ARHGEF10: variants seen among roughly 807,000 people sequenced by gnomAD.
ARHGEF10 encodes Rho guanine nucleotide exchange factor 10.
ARHGEF10 carries 140 observed loss-of-function variants against 147.4 expected under a neutral mutation model. The observed-to-expected ratio is 0.95, with a 90% CI of 0.83 to 1.09. The LOEUF (loss-of-function observed/expected upper bound fraction) is 1.09, where lower values mean the gene tolerates loss of function less well. ARHGEF10 is among the 50% of genes least tolerant of loss of function. The probability of loss-of-function intolerance (pLI) is 0.00; values close to 1 mark genes in which losing one functional copy is unlikely to be tolerated. For synonymous variants in ARHGEF10, 902 were observed against 695.8 expected (o/e 1.30, Z -4.67); for missense variants, 2,222 against 1,752.7 (o/e 1.27, Z -4.78).
chr8:1,921,005 C>T (rs1007372597), intron 18 of ARHGEF10, among the ~76,000 whole-genome samples: 3 of 152,140 alleles, frequency 2.0e-5, no homozygotes, highest in East Asian at 1.9e-4. Context: ...AGGCTGGCCT[C>T]GAACTCTCGA....
chr8:1,850,462 G>A lies in ARHGEF10; in HGVS notation c.37+7026G>A, dbSNP rs149038973. On this transcript the variant is annotated intron_variant, in intron 2 of 28. Transcript: ENST00000349830. Reference sequence around the variant, plus strand: ...ATGCTGAGGAGGGTGTGGGGCAACCGCGTGGGCATGGACGGCAAGTGCGGA... The same window carrying A: ...ATGCTGAGGAGGGTGTGGGGCAACCACGTGGGCATGGACGGCAAGTGCGGA... 3.3e-5 allele frequency among the ~76,000 whole-genome samples: 5 copies of A among 150,028 alleles called. No homozygotes were observed. The East Asian group carries it at 1.0e-3, about 30-fold the overall frequency.
intron 18 of ARHGEF10, among the ~76,000 whole-genome samples, chr8:1,917,518 T>G (rs926843092): frequency 6.6e-6 from 1 of 152,138 alleles, no homozygotes; most frequent in Non-Finnish European, 1.5e-5. Flanking sequence ...AACCCTTCCT[T>G]GTTTGCCGCA....
chr8:1,854,830 C>G (rs1187746555), intron 2 of ARHGEF10, among the ~76,000 whole-genome samples: 1 of 152,208 alleles, frequency 6.6e-6, no homozygotes, highest in African/African-American at 2.4e-5. Flanking sequence ...ACCAGGTTTC[C>G]CACTGCACCT....
intron 18 of ARHGEF10, among the ~76,000 whole-genome samples, chr8:1,920,553 CT>C (rs1812209280): frequency 6.6e-6 from 1 of 151,548 alleles, no homozygotes; most frequent in African/African-American, 2.4e-5. Context: ...GTCTTGAATT[CT>C]TGGCCTTTAG....
intron 11 of ARHGEF10, among the ~76,000 whole-genome samples, chr8:1,890,504 ATTCTGAGTGGGGCGAGACGGGT>A (rs1809425896): frequency 7.0e-6 from 1 of 143,408 alleles, no homozygotes; most frequent in African/African-American, 2.7e-5. Flanking sequence ...TTGTGAGGAG[ATTCTGAGTGGGGCGAGACGGGT>A]CTCTGAGGAG....
At chr8:1,864,482 C>T in intron 5 of ARHGEF10, 46 bp downstream of exon 5, 2 of 1,583,860 alleles carry the variant, frequency 1.3e-6, no homozygotes, top group Non-Finnish European at 1.7e-6. Flanking sequence ...CCGCCTTTCT[C>T]CTGAGGAGCT....
At chr8:1,862,314 G>C (rs887828907) in intron 4 of ARHGEF10, among the ~76,000 whole-genome samples, 1 of 152,202 alleles carries the variant, frequency 6.6e-6, no homozygotes, top group Non-Finnish European at 1.5e-5. Flanking sequence ...AGGTTGCAGA[G>C]CCCTGCCTGG....
chr8:1,871,352 T>A (rs1807107269), intron 7 of ARHGEF10, among the ~76,000 whole-genome samples: 1 of 150,352 alleles, frequency 6.7e-6, no homozygotes, highest in African/African-American at 2.4e-5. Flanking sequence ...ATAAAATCAG[T>A]AAAAAAAAAT....
Position 1,957,089 on chromosome 8 carries a change from T to C in ARHGEF10, c.3861T>C (p.Asp1287=), listed in dbSNP as rs761345800. ...GCACCATCTATGATCTCCTGAAGGA[T>C]CCTGTCTCGCTGAGAAGCAAAGCAC... is the stretch of plus-strand genomic sequence containing the variant. ...EDSTIYDLLK[D]PVSLRSKARR... is the part of the protein sequence containing the mutation. The change falls in exon 29 of 29, where the codon GAT becomes GAC. Residue 1287 remains aspartate, a synonymous_variant. Transcript: ENST00000349830. The C allele has an allele frequency of 1.2e-6, 2 of 1,613,424 alleles. No homozygotes were observed. The highest frequency in any genetic ancestry group is 8.5e-7 in the Non-Finnish European group (1 of 1,180,020).
chr8:1,940,326 G>A (rs1264941774), intron 26 of ARHGEF10, among the ~76,000 whole-genome samples: 1 of 152,196 alleles, frequency 6.6e-6, no homozygotes, highest in Admixed American at 6.5e-5. Context: ...CTATGATGGA[G>A]ACTTGTGTGT....
chr8:1,911,093 A>G (rs1009995948), intron 18 of ARHGEF10, among the ~76,000 whole-genome samples: 3 of 151,480 alleles, frequency 2.0e-5, no homozygotes, highest in Admixed American at 6.6e-5. Flanking sequence ...TGAGCTTCCT[A>G]TCAGCCACAG....
intron 1 of ARHGEF10, among the ~76,000 whole-genome samples, chr8:1,830,552 C>T (rs184414599): frequency 5.6e-4 from 86 of 152,322 alleles, no homozygotes; most frequent in African/African-American, 2.0e-3. Context: ...CAAGCACCGG[C>T]AAATCTGGAA....
intron 26 of ARHGEF10, 37 bp downstream of exon 26, chr8:1,933,979 T>G: frequency 6.2e-7 from 1 of 1,613,974 alleles, no homozygotes; most frequent in Admixed American, 1.7e-5. Flanking sequence ...GTGGAAAAAA[T>G]GCATTTCAGA....
chr8:1,843,374 C>G lies in ARHGEF10; in HGVS notation c.-26C>G, dbSNP rs748940625. The G allele has an allele frequency of 5.6e-6, 9 of 1,612,774 alleles. No homozygotes were observed. In the South Asian group the frequency reaches 7.7e-5, roughly 14 times the overall value. On this transcript the variant is annotated 5_prime_UTR_variant, in exon 2 of 29. Transcript: ENST00000349830. Reference sequence around the variant, plus strand: ...GCAGGAGCTCCTTCCCTTAACAGAGCTGAGAGAGGCATCTGGAGCTGCAGC... The same window carrying G: ...GCAGGAGCTCCTTCCCTTAACAGAGGTGAGAGAGGCATCTGGAGCTGCAGC...
chr8:1,929,529 C>G, intron 25 of ARHGEF10, 86 bp downstream of exon 25: 1 of 1,478,424 alleles, frequency 6.8e-7, no homozygotes, highest in East Asian at 2.3e-5. Context: ...CACCTCCCCA[C>G]CGGCCTCCTG....
chr8:1,853,485 GT>G (rs1171708865), intron 2 of ARHGEF10, among the ~76,000 whole-genome samples: 1 of 152,220 alleles, frequency 6.6e-6, no homozygotes, highest in African/African-American at 2.4e-5. Flanking sequence ...ATCTTTTCTA[GT>G]TTGCAAATTG....
intron 11 of ARHGEF10, among the ~76,000 whole-genome samples, chr8:1,888,722 A>G (rs13252310): frequency 0.13 from 2,086 of 16,516 alleles, 639 homozygotes; most frequent in East Asian, 0.69. Context: ...GAGACACTGA[A>G]TAGGGTGAGG....
At chr8:1,905,832 A>G in intron 17 of ARHGEF10, 116 bp downstream of exon 17, 1 of 1,349,164 alleles carries the variant, frequency 7.4e-7, no homozygotes, top group Non-Finnish European at 1.0e-6. Flanking sequence ...TTTTTGTGCC[A>G]AAGCTCTGTC....
intron 26 of ARHGEF10, among the ~76,000 whole-genome samples, chr8:1,935,987 GC>G (rs1813568758): frequency 6.6e-6 from 1 of 152,204 alleles, no homozygotes. Context: ...CGTGTGACGT[GC>G]CAGCGTGTGT....
Sources: allele counts gnomAD v4.1 joint callset (sites outside exome capture counted in the v4.1 genomes callset), GRCh38; gene constraint gnomAD v4.1.1; transcripts MANE v1.5; gene names NCBI Gene and HGNC (gene_info 2026-07-23, HGNC 2026-07-21).